NME7: variants seen among roughly 807,000 people sequenced by gnomAD.
NME7 encodes the protein NME/NM23 family member 7.
NME7 carries 41 observed loss-of-function variants against 49.1 expected under a neutral mutation model. The ratio of observed to expected loss-of-function variants is 0.83; its 90% CI spans 0.65 to 1.08. The LOEUF is 1.08. NME7 is among the 50% of genes least tolerant of loss of function. The pLI is 0.00. For synonymous variants in NME7, 139 were observed against 150.6 expected, an observed-to-expected ratio of 0.92 and a Z score of 0.56; for missense variants, 423 against 463.4, an observed-to-expected ratio of 0.91 and a Z score of 0.80.
intron 6 of NME7, among the ~76,000 whole-genome samples, chr1:169,294,964 G>A (rs1042630342): frequency 3.9e-5 from 6 of 152,076 alleles, no homozygotes; most frequent in Non-Finnish European, 8.8e-5. Flanking sequence ...CTCCCTCCAA[G>A]GTGAGCGAAT....
chr1:169,219,238 CAA>C (rs1661068545), intron 10 of NME7, among the ~76,000 whole-genome samples: 1 of 152,114 alleles, frequency 6.6e-6, no homozygotes. Context: ...AATGCATCTG[CAA>C]AGTCAACCAA....
Position 169,200,395 on chromosome 1 carries a change from G to A in NME7, c.990+30323C>T, listed in dbSNP as rs577324295. ...TAGAATTGCTTGGAGCATAGCCAGT[G>A]AGGGTAAGAGACTGTGTTAAGCACA... On this transcript the variant is annotated intron_variant, in intron 10 of 11. Coordinates refer to ENST00000367811, the MANE Select transcript of NME7 (RefSeq NM_013330.5). Among the ~76,000 whole-genome samples, 9 of 152,252 alleles carry A rather than the reference G, an allele frequency of 5.9e-5. No homozygotes were observed. In the South Asian group the frequency reaches 1.9e-3, roughly 32 times the overall value.
chr1:169,297,652 A>G (rs1202266621), intron 6 of NME7, among the ~76,000 whole-genome samples: 2 of 152,202 alleles, frequency 1.3e-5, no homozygotes, highest in Non-Finnish European at 2.9e-5. Context: ...TGGAGGCCAC[A>G]ATAAAGACTT....
At chr1:169,234,245 G>A (rs1487465839) in intron 9 of NME7, among the ~76,000 whole-genome samples, 1 of 152,076 alleles carries the variant, frequency 6.6e-6, no homozygotes, top group Non-Finnish European at 1.5e-5. Context: ...GCTATGTGTA[G>A]GATCATTTGA....
intron 11 of NME7, among the ~76,000 whole-genome samples, chr1:169,147,196 T>C (rs929349742): frequency 6.6e-6 from 1 of 152,212 alleles, no homozygotes; most frequent in African/African-American, 2.4e-5. Flanking sequence ...AATAAAAATA[T>C]CAGTTAATAA....
At chr1:169,287,540 C>A in intron 6 of NME7, 132 bp from the exon 7 acceptor site, 1 of 672,382 alleles carries the variant, frequency 1.5e-6, no homozygotes, top group South Asian at 2.7e-5. Flanking sequence ...TTCAGATTTT[C>A]TAAAAATGAG....
chr1:169,251,547 CTTTT>C (rs36096137), intron 7 of NME7, among the ~76,000 whole-genome samples: 1 of 123,988 alleles, frequency 8.1e-6, no homozygotes, highest in African/African-American at 3.1e-5. Flanking sequence ...ACTCTGGTTT[CTTTT>C]TTTTTTTTTC....
chr1:169,293,877 T>A (rs2101901928), intron 6 of NME7, among the ~76,000 whole-genome samples: 1 of 152,286 alleles, frequency 6.6e-6, no homozygotes, highest in East Asian at 1.9e-4. Context: ...ATTTATAATT[T>A]TCTCCATACA....
chr1:169,152,982 G>A (rs892022742), intron 11 of NME7, among the ~76,000 whole-genome samples: 1 of 151,612 alleles, frequency 6.6e-6, no homozygotes, highest in African/African-American at 2.4e-5. Context: ...TTTCTATTTG[G>A]TTGTAGTTTT....
intron 7 of NME7, among the ~76,000 whole-genome samples, chr1:169,281,842 C>T (rs568112005): frequency 5.9e-5 from 9 of 152,272 alleles, no homozygotes; most frequent in East Asian, 3.9e-4. Flanking sequence ...CTGCTGGATT[C>T]GGTTTGCCAG....
chr1:169,171,185 C>T (rs1259673455), intron 10 of NME7, among the ~76,000 whole-genome samples: 1 of 151,974 alleles, frequency 6.6e-6, no homozygotes, highest in African/African-American at 2.4e-5. Flanking sequence ...CTTGGCAACA[C>T]AGAGAGACCC....
intron 10 of NME7, among the ~76,000 whole-genome samples, chr1:169,229,610 T>C (rs1203789964): frequency 6.6e-6 from 1 of 152,218 alleles, no homozygotes; most frequent in Non-Finnish European, 1.5e-5. Context: ...TAGCAGCACT[T>C]TGACACAAGA....
At chr1:169,154,086 T>A (rs963989435) in intron 11 of NME7, among the ~76,000 whole-genome samples, 1 of 152,116 alleles carries the variant, frequency 6.6e-6, no homozygotes, top group African/African-American at 2.4e-5. Context: ...TGATCACAGC[T>A]CATGGCAACT....
At chr1:169,341,948 A>G (rs1652722535) in intron 1 of NME7, among the ~76,000 whole-genome samples, 1 of 152,118 alleles carries the variant, frequency 6.6e-6, no homozygotes, top group South Asian at 2.1e-4. Flanking sequence ...CAGGTAGAAA[A>G]GACTTGCCTT....
chr1:169,336,744 C>A (rs546385837), intron 1 of NME7, among the ~76,000 whole-genome samples: 1 of 151,616 alleles, frequency 6.6e-6, no homozygotes, highest in African/African-American at 2.4e-5. Flanking sequence ...TTGGTGCAAT[C>A]GCAAACCTTA....
chr1:169,167,566 G>C (rs932394), intron 11 of NME7, among the ~76,000 whole-genome samples: 54,188 of 151,740 alleles, frequency 0.36, 10,439 homozygotes, highest in East Asian at 0.73. Context: ...TTGGATTTTG[G>C]CCTAGAAATA....
chr1:169,155,481 C>A (rs766175161), intron 11 of NME7, among the ~76,000 whole-genome samples: 1 of 152,226 alleles, frequency 6.6e-6, no homozygotes, highest in Non-Finnish European at 1.5e-5. Context: ...TTAAAATGAT[C>A]TACAGAAGAT....
intron 3 of NME7, among the ~76,000 whole-genome samples, chr1:169,321,979 G>T (rs890745487): frequency 2.0e-5 from 3 of 151,916 alleles, no homozygotes; most frequent in African/African-American, 7.3e-5. Context: ...ATAAGCTACA[G>T]AAATTAAAGC....
At chr1:169,282,990 C>T (rs978367998) in intron 7 of NME7, among the ~76,000 whole-genome samples, 3 of 152,010 alleles carry the variant, frequency 2.0e-5, no homozygotes, top group African/African-American at 7.2e-5. Context: ...AGTTCAAGTC[C>T]TGAATATCCT....
Sources: allele counts gnomAD v4.1 joint callset (sites outside exome capture counted in the v4.1 genomes callset), GRCh38; gene constraint gnomAD v4.1.1; transcripts MANE v1.5; gene names NCBI Gene and HGNC (gene_info 2026-07-23, HGNC 2026-07-21).